UGGT1: variants seen among roughly 807,000 people sequenced by gnomAD.
UGGT1 encodes the protein UDP-glucose:glycoprotein glucosyltransferase 1.
UGGT1 carries 107 observed loss-of-function variants against 203.9 expected under a neutral mutation model. That is an observed-to-expected ratio of 0.52 (90% CI 0.45 to 0.62). The LOEUF (loss-of-function observed/expected upper bound fraction) is 0.62. Ranked by LOEUF, UGGT1 falls within the 20% of genes least tolerant of loss-of-function variation. UGGT1 has a pLI of 0.00. For missense variants in UGGT1, 1,673 were observed against 1,867.2 expected (o/e 0.90, Z 1.92); for synonymous variants, 628 against 653.5 (o/e 0.96, Z 0.59).
intron 19 of UGGT1, among the ~76,000 whole-genome samples, chr2:128,154,062 C>T (rs201151340): frequency 4.2e-4 from 14 of 33,604 alleles, no homozygotes; most frequent in Admixed American, 7.4e-4. Flanking sequence ...TGTATATATA[C>T]ACACACACAC....
At chr2:128,126,493 C>T (rs1573535916) in intron 11 of UGGT1, among the ~76,000 whole-genome samples, 1 of 151,892 alleles carries the variant, frequency 6.6e-6, no homozygotes, top group African/African-American at 2.4e-5. Flanking sequence ...CCACCCGCCT[C>T]GGCCTCTCAA....
chr2:128,100,633 G>T (rs1396026143), intron 2 of UGGT1, among the ~76,000 whole-genome samples: 1 of 149,688 alleles, frequency 6.7e-6, no homozygotes, highest in African/African-American at 2.5e-5. Context: ...TGTTGGTCAG[G>T]CTGGTCTGGA....
At chr2:128,097,665 G>A (rs181871853) in intron 2 of UGGT1, 101 bp downstream of exon 2, 4 of 1,438,298 alleles carry the variant, frequency 2.8e-6, no homozygotes, top group African/African-American at 2.8e-5. Context: ...ATCATCAAAT[G>A]CATTTATGAA....
intron 40 of UGGT1, among the ~76,000 whole-genome samples, chr2:128,188,970 A>G (rs1017089140): frequency 1.3e-5 from 2 of 152,254 alleles, no homozygotes; most frequent in African/African-American, 4.8e-5. Context: ...ATTTCCATAG[A>G]TAAATGGGCA....
intron 5 of UGGT1, 140 bp from the exon 6 acceptor site, chr2:128,112,944 T>A: frequency 2.8e-6 from 2 of 722,254 alleles, no homozygotes; most frequent in East Asian, 6.4e-5. Context: ...AAGTGAAAAA[T>A]ATTTAAGATC....
Position 128,121,392 on chromosome 2 carries a change from G to A in UGGT1, c.1073+94G>A, listed in dbSNP as rs999249565. 103 of 605,052 alleles carry A rather than the reference G, an allele frequency of 1.7e-4. 1 individual carries two copies. Among genetic ancestry groups the A allele is most frequent in the Non-Finnish European group, 2.3e-4 (90 of 391,866 alleles). The allele number at this position is 605,052 out of a possible 1,614,324, so 37.5% of individuals were successfully genotyped here. On this transcript the variant is annotated intron_variant, in intron 10 of 40. Coordinates refer to ENST00000259253, the MANE Select transcript of UGGT1 (RefSeq NM_020120.4). ...GGTAATAACAATATGAAAATTCCTA[G>A]AAAATTAAGATTCTTTTTTTTTTTT...
At chr2:128,134,692 C>T (rs1479774288) in intron 14 of UGGT1, among the ~76,000 whole-genome samples, 184 bp from the exon 15 acceptor site, 2 of 152,164 alleles carry the variant, frequency 1.3e-5, no homozygotes, top group Non-Finnish European at 2.9e-5. Context: ...TCACCTAGCC[C>T]TTCAGTACCA....
intron 31 of UGGT1, 41 bp from the exon 32 acceptor site, chr2:128,176,773 G>A: frequency 1.3e-6 from 2 of 1,582,750 alleles, no homozygotes; most frequent in Non-Finnish European, 1.7e-6. Flanking sequence ...TGCCTTTTGA[G>A]AATTGTGCCT....
At position 128,181,018 on chromosome 2, in the gene UGGT1, G is replaced by A. The variant is rs779000709; in HGVS notation, c.4029G>A (p.Leu1343=). ...TCTGGGGTTACAAGATCCTCTTCCT[G>A]GATGTACTTTTCCCACTAGTTGTTG... ...RIIWGYKILF[L]DVLFPLVVDK... The change falls in exon 36 of 41, where the codon CTG becomes CTA. Residue 1343 remains leucine (L), a synonymous_variant. Transcript: ENST00000259253. 2 of 1,614,138 alleles carry A rather than the reference G, an allele frequency of 1.2e-6. No individual in the cohort carries two copies. Among genetic ancestry groups the A allele is most frequent in the Non-Finnish European group, 1.7e-6 (2 of 1,180,024 alleles).
In UGGT1 at chr2:128,113,222, A is replaced by G. The variant is rs1048371387; in HGVS notation, c.660A>G (p.Ala220=). The change falls in exon 6 of 41, where the codon GCA becomes GCG. Residue 220 remains alanine (A), a synonymous_variant. Transcript: ENST00000259253. ...FHRQLISKSN[A]GKINYVFRHY... ...GCCAGCTTATATCAAAAAGCAATGC[A>G]GGCAAAATCAATTATGTATTCAGAC... is the stretch of plus-strand genomic sequence containing the variant. The G allele has an allele frequency of 6.2e-7, 1 of 1,612,466 alleles. No homozygotes were observed. Among genetic ancestry groups the G allele is most frequent in the Non-Finnish European group, 8.5e-7 (1 of 1,179,356 alleles).
intron 3 of UGGT1, among the ~76,000 whole-genome samples, chr2:128,106,704 C>T (rs1386766137): frequency 6.6e-6 from 1 of 152,110 alleles, no homozygotes; most frequent in East Asian, 1.9e-4. Context: ...TGCATGCCAC[C>T]TCCCGTGGCT....
At chr2:128,153,056 C>A in intron 19 of UGGT1, 152 bp downstream of exon 19, 1 of 1,089,554 alleles carries the variant, frequency 9.2e-7, no homozygotes, top group Non-Finnish European at 1.3e-6. Flanking sequence ...ACTCTTTGCA[C>A]CTTTAGTTCA....
chr2:128,180,113 A>T (rs1691612116), intron 35 of UGGT1, among the ~76,000 whole-genome samples: 1 of 152,212 alleles, frequency 6.6e-6, no homozygotes, highest in African/African-American at 2.4e-5. Flanking sequence ...TATTATTAGC[A>T]GTGTCTTACT....
chr2:128,099,739 C>G (rs1251274093), intron 2 of UGGT1, among the ~76,000 whole-genome samples: 3 of 152,114 alleles, frequency 2.0e-5, no homozygotes, highest in Non-Finnish European at 2.9e-5. Flanking sequence ...ATGGTGATAA[C>G]TAACTTGATA....
At position 128,173,631 on chromosome 2, in the gene UGGT1, A is replaced by G. The variant is rs1237583112; in HGVS notation, c.3295-150A>G. On this transcript the variant is annotated intron_variant, in intron 29 of 40. Coordinates refer to ENST00000259253, the MANE Select transcript of UGGT1 (RefSeq NM_020120.4). ...GGCAACAACTGATCTGCTTTCTGTC[A>G]TTATACTTTTGTCTTTTCTTGAATT... 1.9e-5 allele frequency: 19 copies of G among 987,130 alleles called. No individual in the cohort carries two copies. The Admixed American group carries it at 2.0e-4, about 11-fold the overall frequency. 61.1% of individuals were successfully genotyped at this position (987,130 alleles called of 1,614,324 possible).
At chr2:128,161,736 C>T (rs1690536766) in intron 25 of UGGT1, among the ~76,000 whole-genome samples, 3 of 152,054 alleles carry the variant, frequency 2.0e-5, no homozygotes, top group East Asian at 1.9e-4. Context: ...TGGTTGTTGT[C>T]GGTTTTTAAT....
At chr2:128,110,513 T>C (rs186128971) in intron 5 of UGGT1, among the ~76,000 whole-genome samples, 86 of 152,288 alleles carry the variant, frequency 5.6e-4, no homozygotes, top group African/African-American at 2.1e-3. Flanking sequence ...GGCATGGACA[T>C]TCAGAAATGG....
intron 34 of UGGT1, 93 bp downstream of exon 34, chr2:128,178,662 A>C (rs1691523620): frequency 9.2e-7 from 1 of 1,092,588 alleles, no homozygotes; most frequent in Non-Finnish European, 1.3e-6. Context: ...TCTGCTCATT[A>C]TACTCCTGTG....
chr2:128,194,830 G>A lies in UGGT1; in HGVS notation c.*5088G>A, dbSNP rs1409901537. The A allele has an allele frequency of 1.3e-5, 2 of 152,150 alleles. No individual in the cohort carries two copies. The highest frequency in any genetic ancestry group is 4.8e-5 in the African/African-American group (2 of 41,436). 9.4% of individuals were successfully genotyped at this position (152,150 alleles called of 1,614,324 possible). ...ATATTTCAGGGTATATACCTGAAAT[G>A]CCTAGAGGATACAGATTTCTCATTT... On this transcript the variant is annotated 3_prime_UTR_variant, in exon 41 of 41. Transcript: ENST00000259253.
Sources: allele counts gnomAD v4.1 joint callset (sites outside exome capture counted in the v4.1 genomes callset), GRCh38; gene constraint gnomAD v4.1.1; transcripts MANE v1.5; gene names NCBI Gene and HGNC (gene_info 2026-07-23, HGNC 2026-07-21).